Variants in PAPPA2 observed in about 807,000 individuals in gnomAD.
PAPPA2 encodes the protein pappalysin 2.
A neutral mutation model predicts 176.4 loss-of-function variants in PAPPA2; 86 were observed. The ratio of observed to expected loss-of-function variants is 0.49; its 90% CI spans 0.41 to 0.58. The LOEUF is 0.58. PAPPA2 is among the 20% of genes least tolerant of loss of function. The pLI, the probability that PAPPA2 is intolerant of heterozygous loss-of-function variation, is 0.00. For synonymous variants in PAPPA2, 809 were observed against 852.2 expected (o/e 0.95, Z 0.88); for missense variants, 2,073 against 2,256.9 (o/e 0.92, Z 1.65).
intron 3 of PAPPA2, among the ~76,000 whole-genome samples, chr1:176,651,441 C>T (rs1042710440): frequency 3.3e-5 from 5 of 151,520 alleles, no homozygotes; most frequent in Non-Finnish European, 5.9e-5. Flanking sequence ...ACTTTGAAAA[C>T]GATGTCCCAC....
chr1:176,739,738 T>A lies in PAPPA2; in HGVS notation c.3911T>A (p.Val1304Asp), dbSNP rs1197104789. ...ACAGTGACTCTCTACCTGACCGATG[T>A]CCGTGGAAGCAACCACTCTCTTGGT... The part of the protein sequence containing the change: ...QPTVTLYLTD[V>D]RGSNHSLGTY... Residue 1304 changes from valine (V) to aspartate (D), a missense_variant, in exon 13 of 23, where the codon GTC becomes GAC. Val to Asp is a radical substitution (Grantham distance 152). This residue lies in a region of PAPPA2 where 846 missense variants were observed against 857.9 expected (regional missense o/e 0.99). Transcript: ENST00000367662. The A allele has an allele frequency of 1.9e-6, 3 of 1,613,698 alleles. No homozygotes were observed. Among genetic ancestry groups the A allele is most frequent in the Non-Finnish European group, 2.5e-6 (3 of 1,179,822 alleles).
At chr1:176,548,367 C>G in intron 1 of PAPPA2, among the ~76,000 whole-genome samples, 1 of 152,108 alleles carries the variant, frequency 6.6e-6, no homozygotes, top group East Asian at 1.9e-4. Context: ...GATACTCTAG[C>G]AGTGGCGGAA....
At chr1:176,798,326 A>C (rs555901820) in intron 20 of PAPPA2, among the ~76,000 whole-genome samples, 1 of 152,194 alleles carries the variant, frequency 6.6e-6, no homozygotes, top group African/African-American at 2.4e-5. Context: ...GACTAGGTTT[A>C]TGGATTTTCA....
At chr1:176,614,936 C>T (rs1200466453) in intron 3 of PAPPA2, among the ~76,000 whole-genome samples, 1 of 151,998 alleles carries the variant, frequency 6.6e-6, no homozygotes, top group Non-Finnish European at 1.5e-5. Context: ...CAGAAACCCA[C>T]TTCTTTTTTT....
chr1:176,733,465 AG>A (rs1480131148), intron 12 of PAPPA2, among the ~76,000 whole-genome samples: 2 of 152,114 alleles, frequency 1.3e-5, no homozygotes, highest in Non-Finnish European at 2.9e-5. Context: ...GTTTATTCTG[AG>A]GGTAAAGCAC....
intron 1 of PAPPA2, among the ~76,000 whole-genome samples, chr1:176,546,192 C>T (rs1650626258): frequency 6.6e-6 from 1 of 152,174 alleles, no homozygotes; most frequent in South Asian, 2.1e-4. Context: ...GCTGGAGAAA[C>T]ACTGCTCTAA....
chr1:176,628,489 C>A (rs1448728596), intron 3 of PAPPA2, among the ~76,000 whole-genome samples: 1 of 151,848 alleles, frequency 6.6e-6, no homozygotes, highest in Non-Finnish European at 1.5e-5. Flanking sequence ...ACTTTATAAT[C>A]CAATTGATAA....
chr1:176,616,079 A>G (rs1655206228), intron 3 of PAPPA2, among the ~76,000 whole-genome samples: 1 of 152,228 alleles, frequency 6.6e-6, no homozygotes, highest in Admixed American at 6.5e-5. Flanking sequence ...AAATGTCTAA[A>G]TAGGTTGACT....
chr1:176,595,387 C>G lies in PAPPA2; in HGVS notation c.1783C>G (p.His595Asp). The G allele has an allele frequency of 1.2e-6, 2 of 1,614,182 alleles. No individual in the cohort carries two copies. The highest frequency in any genetic ancestry group is 1.7e-6 in the Non-Finnish European group (2 of 1,180,032). The change falls in exon 3 of 23, where the codon CAT becomes GAT. Residue 595 changes from histidine (H) to aspartate (D), a missense_variant. Coordinates refer to ENST00000367662, the MANE Select transcript of PAPPA2 (RefSeq NM_020318.3). ...NCEPSKIGNDHCDPECEHPLT... is the reference protein window; with the variant it reads ...NCEPSKIGNDDCDPECEHPLT... ...TGAGCCCAGCAAGATTGGCAATGAC[C>G]ATTGTGACCCCGAGTGTGAGCACCC... is the stretch of plus-strand genomic sequence containing the variant.
At chr1:176,717,591 A>G (rs906530127) in intron 12 of PAPPA2, among the ~76,000 whole-genome samples, 10 of 152,216 alleles carry the variant, frequency 6.6e-5, no homozygotes, top group African/African-American at 2.4e-4. Flanking sequence ...GTCTAACACC[A>G]CTGGCTCACC....
intron 17 of PAPPA2, among the ~76,000 whole-genome samples, chr1:176,774,177 T>C (rs1039574274): frequency 6.6e-6 from 1 of 152,168 alleles, no homozygotes; most frequent in African/African-American, 2.4e-5. Context: ...TTTGCCTATT[T>C]CTTTAAAATT....
intron 5 of PAPPA2, chr1:176,690,846 T>G: frequency 3.0e-6 from 3 of 995,196 alleles, no homozygotes; most frequent in Non-Finnish European, 3.6e-6. Flanking sequence ...CATTGTACTG[T>G]TTTTGAAGTT....
intron 21 of PAPPA2, among the ~76,000 whole-genome samples, chr1:176,820,905 C>G (rs1391942380): frequency 6.6e-6 from 1 of 152,168 alleles, no homozygotes; most frequent in Non-Finnish European, 1.5e-5. Flanking sequence ...GCATGGGAAG[C>G]ATCTTCCCAC....
chr1:176,514,239 T>C (rs985182941), intron 1 of PAPPA2, among the ~76,000 whole-genome samples: 1 of 152,084 alleles, frequency 6.6e-6, no homozygotes. Context: ...TGGCACATCA[T>C]ATAGTGAGAG....
At chr1:176,522,527 C>A (rs898362945) in intron 1 of PAPPA2, among the ~76,000 whole-genome samples, 2 of 152,210 alleles carry the variant, frequency 1.3e-5, no homozygotes, top group African/African-American at 4.8e-5. Flanking sequence ...CAGTTGTCCC[C>A]CAAGAGACAA....
At chr1:176,615,312 T>G (rs1039176094) in intron 3 of PAPPA2, among the ~76,000 whole-genome samples, 4 of 152,076 alleles carry the variant, frequency 2.6e-5, no homozygotes, top group Non-Finnish European at 5.9e-5. Context: ...ATGGAGGTTT[T>G]GTTTTGTTTT....
intron 3 of PAPPA2, among the ~76,000 whole-genome samples, chr1:176,603,659 T>C (rs1203345716): frequency 6.6e-6 from 1 of 152,190 alleles, no homozygotes; most frequent in African/African-American, 2.4e-5. Context: ...CATTCCTCCT[T>C]CTTGGAAGCA....
At chr1:176,720,209 C>T (rs1169374636) in intron 12 of PAPPA2, among the ~76,000 whole-genome samples, 3 of 152,094 alleles carry the variant, frequency 2.0e-5, no homozygotes. Flanking sequence ...TGAATTATCT[C>T]TTTTAAAACT....
intron 20 of PAPPA2, 36 bp from the exon 21 acceptor site, chr1:176,800,025 A>C: frequency 1.2e-6 from 2 of 1,611,200 alleles, no homozygotes; most frequent in Non-Finnish European, 1.7e-6. Flanking sequence ...AAATGTCTTT[A>C]ATTTTGTTTT....
Sources: gnomAD v4.1 joint callset for allele counts (sites outside exome capture counted in the v4.1 genomes callset) on GRCh38, gnomAD v4.1.1 for gene constraint, gnomAD v4.1.1 regional missense constraint, MANE v1.5 for transcripts, NCBI Gene and HGNC (gene_info 2026-07-23, HGNC 2026-07-21) for gene names.